GNB5: variants seen among roughly 807,000 people sequenced by gnomAD.
GNB5 encodes the protein G protein subunit beta 5, also known as guanine nucleotide-binding protein subunit beta-5.
In GNB5, 37 loss-of-function variants were observed where a neutral mutation model predicts 55.3. The observed-to-expected ratio is 0.67, with a 90% confidence interval of 0.51 to 0.88. The LOEUF (loss-of-function observed/expected upper bound fraction) is 0.88. Ranked by LOEUF, GNB5 falls within the 40% of genes least tolerant of loss-of-function variation. GNB5 has a pLI of 0.00. For missense variants in GNB5, 476 were observed against 515.3 expected (o/e 0.92, Z 0.74); for synonymous variants, 219 against 198.5 (o/e 1.10, Z -0.87).
rs377134936 is a variant in GNB5 at position 52,162,195 on chromosome 15, T to C, written c.239-8119A>G. 4.6e-5 allele frequency among the ~76,000 whole-genome samples: 7 copies of C among 152,310 alleles called. No individual in the cohort carries two copies. The East Asian group carries it at 9.6e-4, about 21-fold the overall frequency. ...GCATATCTCCTCGGAGCCTGCACCC[T>C]GCTCTGTAAAATGAGGGTATTAGAG... is the stretch of plus-strand genomic sequence containing the variant. On this transcript the variant is annotated intron_variant, in intron 3 of 12. Coordinates refer to ENST00000261837, the MANE Select transcript of GNB5 (RefSeq NM_016194.4).
intron 3 of GNB5, among the ~76,000 whole-genome samples, chr15:52,158,862 G>A (rs2034271563): frequency 6.6e-6 from 1 of 152,108 alleles, no homozygotes; most frequent in South Asian, 2.1e-4. Flanking sequence ...CTGTAGTTCA[G>A]AGTCAAGGGA....
At chr15:52,162,147 C>G (rs967919613) in intron 3 of GNB5, among the ~76,000 whole-genome samples, 19 of 152,136 alleles carry the variant, frequency 1.2e-4, no homozygotes, top group African/African-American at 4.6e-4. Context: ...GGGAAGAGCA[C>G]AGTTAACAAA....
At chr15:52,128,158 A>G (rs750729772) in intron 10 of GNB5, 38 bp downstream of exon 10, 23 of 1,418,250 alleles carry the variant, frequency 1.6e-5, no homozygotes, top group East Asian at 2.3e-5. Context: ...AGATCCCTCT[A>G]TTGACTAGGA....
chr15:52,128,160 T>G, intron 10 of GNB5, 36 bp downstream of exon 10: 12 of 1,445,966 alleles, frequency 8.3e-6, no homozygotes, highest in Non-Finnish European at 1.2e-5. Context: ...ATCCCTCTAT[T>G]GACTAGGAAA....
chr15:52,135,745 C>G lies in GNB5; in HGVS notation c.639G>C (p.Ala213=). The part of the protein sequence containing the change: ...FTNSDMQILT[A]SGDGTCALWD... ...ACAGGGCACATGTGCCATCGCCGCT[C>G]GCTGTCAGGATCTGCCCGCAGAAAA... Residue 213 remains alanine, a synonymous_variant, in exon 8 of 13, where the codon GCG becomes GCC. Transcript: ENST00000261837. The G allele has an allele frequency of 6.2e-7, 1 of 1,612,344 alleles. No homozygotes were observed. The highest frequency in any genetic ancestry group is 8.5e-7 in the Non-Finnish European group (1 of 1,179,842).
rs1371270570 is a variant in GNB5 at position 52,126,029 on chromosome 15, G to A, written c.928C>T (p.Leu310=). 2.6e-6 allele frequency: 4 copies of A among 1,566,602 alleles called. No individual in the cohort carries two copies. Among genetic ancestry groups the A allele is most frequent in the East Asian group, 2.2e-5 (1 of 44,664 alleles). Residue 310 remains leucine, a synonymous_variant, in exon 11 of 13, where the codon CTG becomes TTG. Coordinates refer to ENST00000261837, the MANE Select transcript of GNB5 (RefSeq NM_016194.4). ...ATGGCAACCTCCCTATCTGCCCGCAGGTCATAGAGGCGACACTGGGGAGCA... is the reference window on the plus strand; with the variant it reads ...ATGGCAACCTCCCTATCTGCCCGCAAGTCATAGAGGCGACACTGGGGAGCA... ...SDDATCRLYD[L]RADREVAIYS... is the part of the protein sequence containing the mutation.
At chr15:52,175,350 T>C (rs1053689946) in intron 3 of GNB5, among the ~76,000 whole-genome samples, 5 of 152,174 alleles carry the variant, frequency 3.3e-5, no homozygotes, top group Non-Finnish European at 7.4e-5. Context: ...GAAACCATCC[T>C]TGGATTCCAA....
rs1442640681 is a variant in GNB5 at position 52,117,513 on chromosome 15, C to T, written c.*5244G>A. 6.6e-6 allele frequency: 1 copy of T among 152,276 alleles called. No homozygotes were observed. Among genetic ancestry groups the T allele is most frequent in the Non-Finnish European group, 1.5e-5 (1 of 68,090 alleles). The allele number at this position is 152,276 out of a possible 1,614,324, so 9.4% of individuals were successfully genotyped here. On this transcript the variant is annotated 3_prime_UTR_variant, in exon 13 of 13. Transcript: ENST00000261837. ...CCCCACCCCCTGCTGCATCCTTTTT[C>T]TAATGACATGAACATATTCAGTCAT...
intron 2 of GNB5, 90 bp from the exon 3 acceptor site, chr15:52,179,969 C>G (rs1410663608): frequency 1.5e-5 from 21 of 1,362,086 alleles, no homozygotes; most frequent in Non-Finnish European, 1.9e-5. Context: ...TCCCCGGCCC[C>G]GAGCACCGCC....
chr15:52,126,427 T>G (rs2033432616), intron 10 of GNB5, among the ~76,000 whole-genome samples: 1 of 152,234 alleles, frequency 6.6e-6, no homozygotes, highest in Non-Finnish European at 1.5e-5. Context: ...AGGTATTTAC[T>G]AATTCTCAGC....
intron 3 of GNB5, among the ~76,000 whole-genome samples, chr15:52,160,258 C>T (rs996023795): frequency 3.9e-5 from 6 of 152,266 alleles, no homozygotes; most frequent in Non-Finnish European, 7.3e-5. Context: ...AGGAAATTAG[C>T]TTCTTAATGT....
At chr15:52,146,272 T>C (rs1032933257) in intron 6 of GNB5, among the ~76,000 whole-genome samples, 7 of 152,156 alleles carry the variant, frequency 4.6e-5, no homozygotes, top group Non-Finnish European at 1.0e-4. Context: ...TATGCCTCTT[T>C]TTAAAAACAT....
intron 10 of GNB5, 74 bp from the exon 11 acceptor site, chr15:52,126,118 G>A (rs1195756692): frequency 6.9e-6 from 5 of 728,910 alleles, no homozygotes; most frequent in Non-Finnish European, 2.5e-6. Flanking sequence ...AGAGCTACAG[G>A]TAGGTGCTAG....
Position 52,154,054 on chromosome 15 carries a change from C to T in GNB5, c.261G>A (p.Val87=). Reference sequence around the variant, plus strand: ...TCATGACAAACTGCCCCAGGGCCTCCACCCGCTCCGCCACCTGGTGCACTG... The same window carrying T: ...TCATGACAAACTGCCCCAGGGCCTCTACCCGCTCCGCCACCTGGTGCACTG... The part of the protein sequence containing the change: ...DVELHQVAER[V]EALGQFVMKT... Residue 87 remains valine (V), a synonymous_variant, in exon 4 of 13, where the codon GTG becomes GTA. Coordinates refer to ENST00000261837, the MANE Select transcript of GNB5 (RefSeq NM_016194.4). The T allele has an allele frequency of 6.2e-7, 1 of 1,614,110 alleles. No individual in the cohort carries two copies. The highest frequency in any genetic ancestry group is 1.1e-5 in the South Asian group (1 of 91,066).
intron 2 of GNB5, 119 bp downstream of exon 2, chr15:52,184,432 C>G: frequency 3.6e-6 from 3 of 841,516 alleles, no homozygotes; most frequent in African/African-American, 1.7e-5. Context: ...CCTCACCAAG[C>G]CCAGGCATAC....
At chr15:52,131,105 C>T (rs567590873) in intron 9 of GNB5, among the ~76,000 whole-genome samples, 1 of 152,302 alleles carries the variant, frequency 6.6e-6, no homozygotes, top group South Asian at 2.1e-4. Flanking sequence ...GGATTACAGG[C>T]GTGAGCCACG....
At chr15:52,167,055 G>A (rs2034464897) in intron 3 of GNB5, among the ~76,000 whole-genome samples, 1 of 152,142 alleles carries the variant, frequency 6.6e-6, no homozygotes, top group East Asian at 1.9e-4. Context: ...ATACCTCTAT[G>A]CACATAAACT....
intron 3 of GNB5, among the ~76,000 whole-genome samples, chr15:52,159,127 A>C (rs1377962625): frequency 6.6e-6 from 1 of 152,184 alleles, no homozygotes; most frequent in Non-Finnish European, 1.5e-5. Context: ...AATATTTTTT[A>C]GGGGTGGAAT....
At chr15:52,173,007 C>G (rs1409143370) in intron 3 of GNB5, among the ~76,000 whole-genome samples, 1 of 151,976 alleles carries the variant, frequency 6.6e-6, no homozygotes, top group African/African-American at 2.4e-5. Flanking sequence ...TTTTCAATGC[C>G]AATCTTTTTT....
Sources: gnomAD v4.1 joint callset for allele counts (sites outside exome capture counted in the v4.1 genomes callset) on GRCh38, gnomAD v4.1.1 for gene constraint, MANE v1.5 for transcripts, NCBI Gene and HGNC (gene_info 2026-07-23, HGNC 2026-07-21) for gene names.